RCOR3: variants seen among roughly 807,000 people sequenced by gnomAD.
RCOR3 encodes the protein REST corepressor 3.
RCOR3 carries 13 observed loss-of-function variants against 64.1 expected under a neutral mutation model. The ratio of observed to expected loss-of-function variants is 0.20; its 90% CI spans 0.13 to 0.32. The LOEUF is 0.32. Among genes scored for constraint, RCOR3 ranks in the 10% least tolerant of loss-of-function variants. RCOR3 has a pLI of 1.00. For missense variants in RCOR3, 489 were observed against 701.2 expected (o/e 0.70, Z 3.42); for synonymous variants, 215 against 239.0 (o/e 0.90, Z 0.93).
At chr1:211,274,342 T>C in intron 4 of RCOR3, 80 bp downstream of exon 4, 1 of 1,002,460 alleles carries the variant, frequency 1.0e-6, no homozygotes, top group South Asian at 1.5e-5. Context: ...GTTTCTGTCC[T>C]AACAGCGTGC....
intron 7 of RCOR3, among the ~76,000 whole-genome samples, chr1:211,281,077 G>A (rs542934758): frequency 4.6e-5 from 7 of 151,606 alleles, no homozygotes; most frequent in African/African-American, 1.7e-4. Context: ...GCTTTAGTCA[G>A]GCAGCTTCTG....
rs1701760220 is a variant in RCOR3, at chr1:211,314,375, A to G, written c.*607A>G. 2 of 152,256 alleles carry G rather than the reference A, an allele frequency of 1.3e-5. No individual in the cohort carries two copies. The highest frequency in any genetic ancestry group is 2.4e-5 in the African/African-American group (1 of 41,438). 9.4% of individuals were successfully genotyped at this position (152,256 alleles called of 1,614,324 possible). A position where few individuals can be genotyped will look rare whatever the true frequency, so the allele number is the denominator to read the frequency against. On this transcript the variant is annotated 3_prime_UTR_variant, in exon 12 of 12. Coordinates refer to ENST00000419091, the MANE Select transcript of RCOR3 (RefSeq NM_001136223.3). ...AATTTTAATATATTCCTTTAAAAGA[A>G]AGCAATTTAATCAATTGCAAAGCAA...
At chr1:211,262,966 C>T (rs892795173) in intron 2 of RCOR3, among the ~76,000 whole-genome samples, 1 of 150,470 alleles carries the variant, frequency 6.6e-6, no homozygotes, top group Non-Finnish European at 1.5e-5. Flanking sequence ...TGGTGTGCTG[C>T]ACCCATTAAC....
intron 10 of RCOR3, among the ~76,000 whole-genome samples, chr1:211,309,845 G>A (rs79950830): frequency 0.016 from 2,406 of 152,230 alleles, 54 homozygotes; most frequent in African/African-American, 0.055. Context: ...TGTTTCAGAC[G>A]CCTCACTGGA....
At chr1:211,288,847 T>C (rs1698898926) in intron 7 of RCOR3, among the ~76,000 whole-genome samples, 1 of 152,064 alleles carries the variant, frequency 6.6e-6, no homozygotes, top group Non-Finnish European at 1.5e-5. Context: ...TCCCCCCCTT[T>C]ATTGCTGAGG....
Position 211,259,426 on chromosome 1 carries a change from C to G in RCOR3, c.-135C>G, listed in dbSNP as rs1693764253. On this transcript the variant is annotated 5_prime_UTR_variant, in exon 1 of 12. Coordinates refer to ENST00000419091, the MANE Select transcript of RCOR3 (RefSeq NM_001136223.3). Reference sequence around the variant, plus strand: ...GGCGGTTATGGCGGCTCCATATTAACAGCCTCCTCCTCCTCCGCCGCCGCC... The same window carrying G: ...GGCGGTTATGGCGGCTCCATATTAAGAGCCTCCTCCTCCTCCGCCGCCGCC... The G allele has an allele frequency of 8.3e-6, 7 of 848,036 alleles. No homozygotes were observed. Among genetic ancestry groups the G allele is most frequent in the Admixed American group, 5.8e-5 (2 of 34,230 alleles). The allele number at this position is 848,036 out of a possible 1,614,324, so 52.5% of individuals were successfully genotyped here.
intron 8 of RCOR3, among the ~76,000 whole-genome samples, chr1:211,291,254 A>G (rs1277046325): frequency 6.6e-6 from 1 of 152,184 alleles, no homozygotes; most frequent in African/African-American, 2.4e-5. Context: ...AGGTATGTAT[A>G]TATAGGGAAA....
intron 8 of RCOR3, among the ~76,000 whole-genome samples, chr1:211,290,773 C>T (rs11586974): frequency 0.3 from 45,328 of 151,954 alleles, 7,070 homozygotes; most frequent in South Asian, 0.36. Context: ...TGTCACTCAT[C>T]TTAAAGCTCT....
chr1:211,313,385 TTACATCTCA>T lies in RCOR3; in HGVS notation c.1318-35_1318-27del. Reference sequence around the variant, plus strand: ...TATATTGTATTAAGTTCATTAGGACTTACATCTCATACGTGTATTTTTGTTTCCTCACCT... The same window carrying T: ...TATATTGTATTAAGTTCATTAGGACTTACGTGTATTTTTGTTTCCTCACCT... On this transcript the variant is annotated intron_variant, in intron 11 of 11. Transcript: ENST00000419091. This position sits in a 1 kb window ranked among gnomAD's most constrained non-coding sequence, Gnocchi z 4.7. The T allele has an allele frequency of 1.3e-6, 2 of 1,581,046 alleles. No individual in the cohort carries two copies. The highest frequency in any genetic ancestry group is 1.7e-4 in the Middle Eastern group (1 of 5,878).
At chr1:211,281,051 C>T (rs1477038097) in intron 7 of RCOR3, among the ~76,000 whole-genome samples, 3 of 151,206 alleles carry the variant, frequency 2.0e-5, no homozygotes, top group African/African-American at 4.9e-5. Context: ...CTTAGCACTA[C>T]GTCACTTTTG....
chr1:211,260,263 CG>C, intron 2 of RCOR3, 99 bp downstream of exon 2: 1 of 976,606 alleles, frequency 1.0e-6, no homozygotes, highest in Admixed American at 2.0e-5. Flanking sequence ...GGAGGGGATG[CG>C]GGGTTGGGCT....
chr1:211,281,204 C>A (rs775110734), intron 7 of RCOR3, among the ~76,000 whole-genome samples: 13 of 152,140 alleles, frequency 8.5e-5, no homozygotes, highest in Non-Finnish European at 1.6e-4. Context: ...TGCTCCCTTC[C>A]TGAAAAGCTG....
At chr1:211,304,809 T>C (rs1019158209) in intron 10 of RCOR3, among the ~76,000 whole-genome samples, 5 of 152,232 alleles carry the variant, frequency 3.3e-5, no homozygotes, top group African/African-American at 1.2e-4. Flanking sequence ...TTGGATTTTC[T>C]CATGTTTAAA....
At chr1:211,280,332 A>G (rs1697603780) in intron 7 of RCOR3, among the ~76,000 whole-genome samples, 1 of 152,226 alleles carries the variant, frequency 6.6e-6, no homozygotes, top group Non-Finnish European at 1.5e-5. Context: ...CCACCGTGGT[A>G]TATTAGTACT....
In RCOR3 at chr1:211,286,523, G is replaced by A. The variant is rs183422521; in HGVS notation, c.721-2655G>A. On this transcript the variant is annotated intron_variant, in intron 7 of 11. Transcript: ENST00000419091. The stretch of plus-strand genomic sequence containing the variant: ...GGGGTTTCACCGGGTTAGCCAGTAT[G>A]GTCTCGATCTCCTGACCTCGTGATC... 1.7e-3 allele frequency among the ~76,000 whole-genome samples: 251 copies of A among 152,096 alleles called. 1 individual carries two copies. Among genetic ancestry groups the A allele is most frequent in the African/African-American group, 5.9e-3 (244 of 41,498 alleles).
intron 2 of RCOR3, among the ~76,000 whole-genome samples, chr1:211,265,861 G>A (rs1056141832): frequency 1.3e-5 from 2 of 152,164 alleles, no homozygotes; most frequent in Non-Finnish European, 2.9e-5. Flanking sequence ...TTGAGTAAAG[G>A]AGGGTTTTCC....
chr1:211,283,822 T>C (rs1698158075), intron 7 of RCOR3, among the ~76,000 whole-genome samples: 1 of 150,186 alleles, frequency 6.7e-6, no homozygotes, highest in African/African-American at 2.4e-5. Flanking sequence ...ATTTTTTTTT[T>C]TTTTCACCCA....
intron 9 of RCOR3, among the ~76,000 whole-genome samples, chr1:211,297,415 T>C (rs1412427068): frequency 1.3e-5 from 2 of 152,160 alleles, no homozygotes; most frequent in East Asian, 1.9e-4. Context: ...ATAATGAAAC[T>C]CTGGCTATAG....
intron 2 of RCOR3, among the ~76,000 whole-genome samples, chr1:211,267,596 T>C (rs892085749): frequency 6.6e-6 from 1 of 152,130 alleles, no homozygotes; most frequent in African/African-American, 2.4e-5. Context: ...TTGAAACTTA[T>C]TTATTTATTT....
Sources: allele counts gnomAD v4.1 joint callset (sites outside exome capture counted in the v4.1 genomes callset), GRCh38; gene constraint gnomAD v4.1.1; non-coding constraint Gnocchi (gnomAD v3.1); transcripts MANE v1.5; gene names NCBI Gene and HGNC (gene_info 2026-07-23, HGNC 2026-07-21).